NOS1: variants seen among roughly 807,000 people sequenced by gnomAD.
NOS1 encodes the protein nitric oxide synthase 1.
Under a neutral mutation model 164.5 loss-of-function variants are expected in NOS1, and 51 were observed. That is an observed-to-expected ratio of 0.31 (90% confidence interval 0.25 to 0.39). The LOEUF (loss-of-function observed/expected upper bound fraction) is 0.39. NOS1 is among the 10% of genes least tolerant of loss of function. The pLI, the probability that NOS1 is intolerant of heterozygous loss-of-function variation, is 1.00. For missense variants in NOS1, 1,362 were observed against 1,885.6 expected (o/e 0.72, Z 5.14); for synonymous variants, 719 against 745.8 (o/e 0.96, Z 0.59).
rs1268082851 is a variant in NOS1, at chr12:117,358,774, T to C, written c.-421+2738A>G. ...CACTGCTCACTCTTTCTCTACATGATTTGGGACTTTGGGGAAAAAAATCAC... is the reference window on the plus strand; with the variant it reads ...CACTGCTCACTCTTTCTCTACATGACTTGGGACTTTGGGGAAAAAAATCAC... On this transcript the variant is annotated intron_variant, in intron 1 of 28. Coordinates refer to ENST00000317775, the MANE Select transcript of NOS1 (RefSeq NM_000620.5). Among the ~76,000 whole-genome samples, 4 of 152,178 alleles carry C rather than the reference T, an allele frequency of 2.6e-5. No individual in the cohort carries two copies. The East Asian group carries it at 7.7e-4, about 29-fold the overall frequency.
chr12:117,318,371 G>T (rs1263440481), intron 2 of NOS1, among the ~76,000 whole-genome samples: 1 of 152,192 alleles, frequency 6.6e-6, no homozygotes, highest in African/African-American at 2.4e-5. Context: ...AGAGATGTCA[G>T]CCTTTCCTTT....
At chr12:117,348,713 A>T (rs1008235514) in intron 1 of NOS1, among the ~76,000 whole-genome samples, 3 of 152,216 alleles carry the variant, frequency 2.0e-5, no homozygotes, top group Admixed American at 2.0e-4. Context: ...TGATCTAATC[A>T]TGAAAACACA....
intron 27 of NOS1, among the ~76,000 whole-genome samples, chr12:117,219,309 T>G (rs1026224169): frequency 2.0e-5 from 3 of 150,924 alleles, no homozygotes; most frequent in Non-Finnish European, 4.4e-5. Context: ...TTTTGTTTTT[T>G]TTGTTTTTGT....
Position 117,214,428 on chromosome 12 carries a change from G to A in NOS1, c.*881C>T. 1.0e-6 allele frequency: 1 copy of A among 985,274 alleles called. No individual in the cohort carries two copies. Among genetic ancestry groups the A allele is most frequent in the African/African-American group, 1.7e-5 (1 of 57,322 alleles). 61.0% of individuals were successfully genotyped at this position (985,274 alleles called of 1,614,324 possible). A position where few individuals can be genotyped will look rare whatever the true frequency, so the allele number is the denominator to read the frequency against. On this transcript the variant is annotated 3_prime_UTR_variant, in exon 29 of 29. Transcript: ENST00000317775. ...TTGGATGCTATTGCTGGAGGAGGGG[G>A]TCAGTCAATGGATGTGGCAAAGTCA... is the stretch of plus-strand genomic sequence containing the variant.
Position 117,330,300 on chromosome 12 carries a change from G to GCACACACACACACACACACA in NOS1, c.725+25_725+44dup. The GCACACACACACACACACACA allele has an allele frequency of 6.7e-7, 1 of 1,491,268 alleles. No individual in the cohort carries two copies. The highest frequency in any genetic ancestry group is 9.0e-7 in the Non-Finnish European group (1 of 1,111,634). 92.4% of individuals were successfully genotyped at this position (1,491,268 alleles called of 1,614,324 possible). Reference sequence around the variant, plus strand: ...GACGCACATGCACACACACAAGCATGCACACACACACACACACACACACAC... The same window carrying GCACACACACACACACACACA: ...GACGCACATGCACACACACAAGCATGCACACACACACACACACACACACACACACACACACACACACACAC... On this transcript the variant is annotated intron_variant, in intron 2 of 28. Coordinates refer to ENST00000317775, the MANE Select transcript of NOS1 (RefSeq NM_000620.5). The surrounding 1 kb of genome is among the most constrained non-coding windows in gnomAD (Gnocchi z 4.6).
chr12:117,227,349 G>T, intron 23 of NOS1, 82 bp downstream of exon 23: 1 of 1,302,020 alleles, frequency 7.7e-7, no homozygotes, highest in Non-Finnish European at 1.1e-6. Context: ...GATTTAGCCT[G>T]CAGACGGTGG....
chr12:117,211,353 A>C lies in NOS1; in HGVS notation c.*3956T>G, dbSNP rs762618608. On this transcript the variant is annotated 3_prime_UTR_variant, in exon 29 of 29. Coordinates refer to ENST00000317775, the MANE Select transcript of NOS1 (RefSeq NM_000620.5). The stretch of plus-strand genomic sequence containing the variant: ...GTTCCTGGAGTCTCTTTATCACTAC[A>C]TCCGCCTCTTCCCTCACTCAAGCCT... 2 of 985,338 alleles carry C rather than the reference A, an allele frequency of 2.0e-6. No individual in the cohort carries two copies. Among genetic ancestry groups the C allele is most frequent in the Non-Finnish European group, 2.4e-6 (2 of 829,998 alleles). 61.0% of individuals were successfully genotyped at this position (985,338 alleles called of 1,614,324 possible). A position where few individuals can be genotyped will look rare whatever the true frequency, so the allele number is the denominator to read the frequency against.
intron 1 of NOS1, among the ~76,000 whole-genome samples, chr12:117,342,873 G>A (rs1450051418): frequency 6.6e-6 from 1 of 151,052 alleles, no homozygotes; most frequent in African/African-American, 2.4e-5. Context: ...GGAAGGAAGT[G>A]GGTCGATTTA....
chr12:117,358,790 A>G (rs564144320), intron 1 of NOS1, among the ~76,000 whole-genome samples: 1 of 152,192 alleles, frequency 6.6e-6, no homozygotes, highest in Non-Finnish European at 1.5e-5. Flanking sequence ...ACTTTGGGGA[A>G]AAAAATCACA....
rs1416799064 is a variant in NOS1 at position 117,209,591 on chromosome 12, T to C, written c.*5718A>G. 4.1e-6 allele frequency: 4 copies of C among 985,398 alleles called. No homozygotes were observed. In the African/African-American group the frequency reaches 5.2e-5, roughly 13 times the overall value. 61.0% of individuals were successfully genotyped at this position (985,398 alleles called of 1,614,324 possible). ...GGGCATAGCCCCGCTTGACCAGAAC[T>C]GTTTGGGTATTTTAGAACAAAACAA... On this transcript the variant is annotated 3_prime_UTR_variant, in exon 29 of 29. Transcript: ENST00000317775.
chr12:117,260,500 A>G lies in NOS1; in HGVS notation c.2332T>C (p.Leu778=), dbSNP rs1871816437. The G allele has an allele frequency of 3.1e-6, 5 of 1,613,896 alleles. No homozygotes were observed. Among genetic ancestry groups the G allele is most frequent in the Non-Finnish European group, 4.2e-6 (5 of 1,179,972 alleles). ...AAGGCGTGTTTGAAGATCTCACACA[A>G]GGTCTTGGCATAAGCTTGCGATTTG... ...TGKSQAYAKT[L]CEIFKHAFDA... The change falls in exon 14 of 29, where the codon TTG becomes CTG. Residue 778 remains leucine (L), a synonymous_variant. Transcript: ENST00000317775.
At chr12:117,338,204 G>A (rs1457938582) in intron 1 of NOS1, among the ~76,000 whole-genome samples, 3 of 151,650 alleles carry the variant, frequency 2.0e-5, no homozygotes, top group African/African-American at 4.8e-5. Context: ...GCGACAGAGT[G>A]AGACTCTGTC....
chr12:117,269,307 G>A (rs1180581353), intron 10 of NOS1, among the ~76,000 whole-genome samples: 1 of 152,052 alleles, frequency 6.6e-6, no homozygotes, highest in East Asian at 1.9e-4. Flanking sequence ...TCTTAGATAT[G>A]GAAAGAAGAC....
At chr12:117,277,333 C>A (rs909206626) in intron 9 of NOS1, among the ~76,000 whole-genome samples, 4 of 151,954 alleles carry the variant, frequency 2.6e-5, no homozygotes, top group African/African-American at 9.7e-5. Flanking sequence ...GCCTGTAATG[C>A]CAGCACTTTG....
chr12:117,311,456 A>G lies in NOS1; in HGVS notation c.852+10T>C, dbSNP rs1198902703. On this transcript the variant is annotated intron_variant, in intron 3 of 28. Coordinates refer to ENST00000317775, the MANE Select transcript of NOS1 (RefSeq NM_000620.5). ...GAAGCAGTGGTACCAGCTTGGCATC[A>G]AGCACTTACCTGCTCCTTCTCTGAA... is the stretch of plus-strand genomic sequence containing the variant. 4 of 1,596,406 alleles carry G rather than the reference A, an allele frequency of 2.5e-6. No homozygotes were observed. The highest frequency in any genetic ancestry group is 2.6e-6 in the Non-Finnish European group (3 of 1,171,280).
intron 27 of NOS1, 91 bp from the exon 28 acceptor site, chr12:117,218,255 A>G: frequency 1.1e-6 from 1 of 896,810 alleles, no homozygotes; most frequent in Non-Finnish European, 1.9e-6. Flanking sequence ...GGAATGGAAT[A>G]TCCCTAAGGA....
intron 28 of NOS1, 131 bp downstream of exon 28, chr12:117,217,915 A>G: frequency 1.4e-6 from 1 of 708,964 alleles, no homozygotes; most frequent in Non-Finnish European, 2.5e-6. Context: ...TTGCATTTTG[A>G]ACACGTTCCC....
chr12:117,214,109 T>C lies in NOS1; in HGVS notation c.*1200A>G. 2 of 985,428 alleles carry C rather than the reference T, an allele frequency of 2.0e-6. No individual in the cohort carries two copies. Among genetic ancestry groups the C allele is most frequent in the Non-Finnish European group, 2.4e-6 (2 of 829,936 alleles). The allele number at this position is 985,428 out of a possible 1,614,324, so 61.0% of individuals were successfully genotyped here. On this transcript the variant is annotated 3_prime_UTR_variant, in exon 29 of 29. Transcript: ENST00000317775. ...TCGAAGAAGCCACGTGGGACCTCAT[T>C]ATGGCAACTCTTTCCAACCTCATCC...
intron 16 of NOS1, among the ~76,000 whole-genome samples, chr12:117,255,591 T>C (rs895419909): frequency 6.6e-6 from 1 of 152,186 alleles, no homozygotes; most frequent in South Asian, 2.1e-4. Context: ...GTTGTTAGTG[T>C]GGGAGGAATG....
Sources: gnomAD v4.1 joint callset for allele counts (sites outside exome capture counted in the v4.1 genomes callset) on GRCh38, gnomAD v4.1.1 for gene constraint, Gnocchi (gnomAD v3.1) non-coding constraint, MANE v1.5 for transcripts, NCBI Gene and HGNC (gene_info 2026-07-23, HGNC 2026-07-21) for gene names.